The following IL1RAPL2 variants were observed in gnomAD, a reference collection of about 807,000 sequenced individuals.
IL1RAPL2 encodes the protein interleukin 1 receptor accessory protein like 2.
A neutral mutation model predicts 44.1 loss-of-function variants in IL1RAPL2; 3 were observed. The ratio of observed to expected loss-of-function variants is 0.07; its 90% CI spans 0.03 to 0.18. The LOEUF (loss-of-function observed/expected upper bound fraction) is 0.18. IL1RAPL2 is among the 10% of genes least tolerant of loss of function. IL1RAPL2 has a pLI of 1.00. For synonymous variants in IL1RAPL2, 181 were observed against 178.8 expected, an observed-to-expected ratio of 1.01 and a Z score of -0.10; for missense variants, 391 against 496.4, an observed-to-expected ratio of 0.79 and a Z score of 2.02.
intron 2 of IL1RAPL2, among the ~76,000 whole-genome samples, chrX:104,721,831 A>C (rs1284560995): frequency 9.0e-6 from 1 of 111,664 alleles, no homozygotes; most frequent in African/African-American, 3.2e-5. Context: ...TAATGCTGCA[A>C]TTGTCAAAGT....
chrX:105,002,156 C>T (rs1439168616), intron 2 of IL1RAPL2, among the ~76,000 whole-genome samples: 1 of 110,457 alleles, frequency 9.1e-6, no homozygotes, highest in East Asian at 2.9e-4. Context: ...CTGTTATCCA[C>T]CAATAAAAAT....
chrX:105,498,236 C>T (rs2036369263), intron 6 of IL1RAPL2, among the ~76,000 whole-genome samples: 1 of 111,585 alleles, frequency 9.0e-6, no homozygotes, highest in Non-Finnish European at 1.9e-5. Flanking sequence ...TCATATGCAT[C>T]TTTATAGACT....
At chrX:105,205,226 C>T (rs1293714878) in intron 3 of IL1RAPL2, among the ~76,000 whole-genome samples, 1 of 109,980 alleles carries the variant, frequency 9.1e-6, no homozygotes, top group African/African-American at 3.3e-5. Context: ...AATCTTGGGG[C>T]AGAGTATTCC....
At chrX:105,511,787 A>G (rs1319094176) in intron 6 of IL1RAPL2, among the ~76,000 whole-genome samples, 1 of 112,035 alleles carries the variant, frequency 8.9e-6, no homozygotes, top group African/African-American at 3.2e-5. Flanking sequence ...TTTATCAAAC[A>G]TCTTGAAATA....
chrX:105,234,002 A>G lies in IL1RAPL2; in HGVS notation c.541A>G (p.Lys181Glu). 8.4e-7 allele frequency: 1 copy of G among 1,194,929 alleles called. No individual in the cohort carries two copies. Among genetic ancestry groups the G allele is most frequent in the East Asian group, 3.0e-5 (1 of 33,624 alleles). Residue 181 changes from lysine (K) to glutamate (E), a missense_variant and splice_region_variant, in exon 4 of 11, where the codon AAG (lysine) becomes GAG (glutamate). Transcript: ENST00000372582. ...SDQEPDVVWY[K>E]ECKPKMWRSI... ...TCAGGAGCCTGATGTTGTGTGGTATAAGGTAACTCAGCATGGTGTCAAATT... is the reference window on the plus strand; with the variant it reads ...TCAGGAGCCTGATGTTGTGTGGTATGAGGTAACTCAGCATGGTGTCAAATT...
intron 2 of IL1RAPL2, among the ~76,000 whole-genome samples, chrX:104,848,409 G>GTATATATATATATA (rs35503754): frequency 1.5e-5 from 1 of 64,906 alleles, no homozygotes; most frequent in Non-Finnish European, 2.8e-5. Flanking sequence ...ATTTTTATCT[G>GTATATATATATATA]TATATATATA....
intron 5 of IL1RAPL2, among the ~76,000 whole-genome samples, chrX:105,380,621 T>C (rs1213511444): frequency 3.6e-5 from 4 of 111,833 alleles, no homozygotes; most frequent in East Asian, 2.8e-4. Context: ...CAAAGAAATA[T>C]AGTCATCTTG....
rs1372002200 is a variant in IL1RAPL2, at chrX:105,489,746, CTT to C, written c.772+5361_772+5362del. On this transcript the variant is annotated intron_variant, in intron 6 of 10. Transcript: ENST00000372582. ...CTTCTTTCTTTCTCTCTCTCTCTCT[CTT>C]TCTTTCTTTCTCTTTCTTTCTTTCT... Among the ~76,000 whole-genome samples, 3 of 98,927 alleles carry C rather than the reference CTT, an allele frequency of 3.0e-5. 1 individual carries two copies. Among genetic ancestry groups the C allele is most frequent in the African/African-American group, 1.2e-4 (3 of 24,385 alleles). The allele number at this position is 98,927 out of a possible 115,157, so 85.9% of individuals were successfully genotyped here.
chrX:105,041,400 T>G (rs1451977923), intron 2 of IL1RAPL2, among the ~76,000 whole-genome samples: 1 of 110,870 alleles, frequency 9.0e-6, no homozygotes, highest in Non-Finnish European at 1.9e-5. Context: ...TAGGTCTGTT[T>G]GGTGCAGAGC....
chrX:105,513,465 C>T (rs1602445394), intron 6 of IL1RAPL2, among the ~76,000 whole-genome samples: 1 of 111,890 alleles, frequency 8.9e-6, no homozygotes, highest in East Asian at 2.8e-4. Context: ...GGCATTCTAA[C>T]TGGCGTGAGA....
intron 4 of IL1RAPL2, among the ~76,000 whole-genome samples, chrX:105,257,306 TG>T (rs2147650583): frequency 8.9e-6 from 1 of 112,162 alleles, no homozygotes; most frequent in South Asian, 3.6e-4. Context: ...AGAGTGTGTT[TG>T]GTATGATTTT....
chrX:104,584,206 C>T (rs779930675), intron 1 of IL1RAPL2, among the ~76,000 whole-genome samples: 57 of 111,599 alleles, frequency 5.1e-4, no homozygotes, highest in Admixed American at 8.6e-4. Flanking sequence ...TGATTTAGTC[C>T]AACCTCCCTA....
At chrX:104,908,693 C>T (rs751773804) in intron 2 of IL1RAPL2, among the ~76,000 whole-genome samples, 1,824 of 110,238 alleles carry the variant, frequency 0.017, 42 homozygotes, top group African/African-American at 0.056. Flanking sequence ...TGATGGGCTT[C>T]CCTTTGAGGG....
intron 5 of IL1RAPL2, among the ~76,000 whole-genome samples, chrX:105,346,226 G>A (rs770770069): frequency 1.8e-5 from 2 of 111,959 alleles, no homozygotes; most frequent in East Asian, 5.6e-4. Flanking sequence ...AATAACTCCT[G>A]TAAACCGGGA....
At chrX:105,280,794 C>T (rs2034525616) in intron 5 of IL1RAPL2, among the ~76,000 whole-genome samples, 1 of 110,081 alleles carries the variant, frequency 9.1e-6, no homozygotes, top group African/African-American at 3.3e-5. Context: ...GGAGAGGATG[C>T]AGAGAAATAG....
intron 2 of IL1RAPL2, among the ~76,000 whole-genome samples, chrX:105,081,621 A>C (rs1463120997): frequency 9.0e-6 from 1 of 111,468 alleles, no homozygotes; most frequent in Non-Finnish European, 1.9e-5. Flanking sequence ...GTTTGTCATA[A>C]ATAGTTATTA....
intron 6 of IL1RAPL2, among the ~76,000 whole-genome samples, chrX:105,674,025 T>A (rs750349930): frequency 8.9e-6 from 1 of 112,086 alleles, no homozygotes; most frequent in Non-Finnish European, 1.9e-5. Context: ...TGTTTGTTTT[T>A]ACCTCAAAAA....
chrX:104,716,966 G>A (rs150706085), intron 2 of IL1RAPL2, among the ~76,000 whole-genome samples: 19 of 111,734 alleles, frequency 1.7e-4, no homozygotes, highest in South Asian at 3.7e-4. Context: ...AAAGACACAC[G>A]CACATGTATG....
chrX:105,471,299 C>G (rs1462277023), intron 5 of IL1RAPL2, among the ~76,000 whole-genome samples: 1 of 112,149 alleles, frequency 8.9e-6, no homozygotes, highest in Non-Finnish European at 1.9e-5. Context: ...AGAGCCAGAA[C>G]TAAGACTCAG....
Sources: allele counts gnomAD v4.1 joint callset (sites outside exome capture counted in the v4.1 genomes callset), GRCh38; gene constraint gnomAD v4.1.1; transcripts MANE v1.5; gene names NCBI Gene and HGNC (gene_info 2026-07-23, HGNC 2026-07-21).